The following BRWD1 variants were observed in gnomAD, a reference collection of about 807,000 sequenced individuals.
BRWD1 encodes the protein bromodomain and WD repeat-containing protein 1.
In BRWD1, 82 loss-of-function variants were observed where a neutral mutation model predicts 251.2. The observed-to-expected ratio is 0.33, with a 90% CI of 0.27 to 0.39. The LOEUF (loss-of-function observed/expected upper bound fraction) is 0.39. BRWD1 is among the 10% of genes least tolerant of loss of function. The pLI is 1.00. For missense variants in BRWD1, 2,233 were observed against 2,711.6 expected (o/e 0.82, Z 3.92); for synonymous variants, 918 against 902.8 (o/e 1.02, Z -0.30).
chr21:39,256,343 G>C lies in BRWD1; in HGVS notation c.2072-515C>G, dbSNP rs561631940. On this transcript the variant is annotated intron_variant, in intron 18 of 40. Transcript: ENST00000342449. ...AAGACAGATACCTGAAATCAAAGTG[G>C]TTTTACAAGAGCTCTTGCAACAGTA... Among the ~76,000 whole-genome samples, 6 of 152,326 alleles carry C rather than the reference G, an allele frequency of 3.9e-5. No homozygotes were observed. In the South Asian group the frequency reaches 1.2e-3, roughly 32 times the overall value.
At chr21:39,244,748 G>T (rs568623854) in intron 21 of BRWD1, among the ~76,000 whole-genome samples, 1 of 151,786 alleles carries the variant, frequency 6.6e-6, no homozygotes, top group African/African-American at 2.4e-5. Flanking sequence ...TACTTGAGGC[G>T]GAGAGGTTGG....
chr21:39,194,371 C>T lies in BRWD1; in HGVS notation c.*1888G>A. ...AGTTTAAATAAATTAATGGATTTGACATCTATCACCAGTTTTTAAAATTAG... is the reference window on the plus strand; with the variant it reads ...AGTTTAAATAAATTAATGGATTTGATATCTATCACCAGTTTTTAAAATTAG... On this transcript the variant is annotated 3_prime_UTR_variant, in exon 41 of 41. Transcript: ENST00000342449. 9.2e-7 allele frequency: 1 copy of T among 1,088,072 alleles called. No individual in the cohort carries two copies. The highest frequency in any genetic ancestry group is 1.1e-6 in the Non-Finnish European group (1 of 895,948). The allele number at this position is 1,088,072 out of a possible 1,614,324, so 67.4% of individuals were successfully genotyped here.
intron 4 of BRWD1, among the ~76,000 whole-genome samples, chr21:39,303,429 G>A (rs1206045189): frequency 1.4e-5 from 2 of 142,386 alleles, no homozygotes; most frequent in Non-Finnish European, 3.0e-5. Flanking sequence ...TGAGGCAGGA[G>A]AATCGCTTGA....
At chr21:39,250,694 C>T (rs1403771198) in intron 20 of BRWD1, 102 bp downstream of exon 20, 1 of 720,538 alleles carries the variant, frequency 1.4e-6, no homozygotes, top group East Asian at 2.9e-5. Context: ...GCAAGAAATA[C>T]TCCACTTCAG....
intron 13 of BRWD1, 77 bp downstream of exon 13, chr21:39,274,297 C>A: frequency 9.3e-7 from 1 of 1,077,488 alleles, no homozygotes; most frequent in South Asian, 1.3e-5. Context: ...CTGAGAGACA[C>A]AGAGAGCGAG....
chr21:39,277,702 T>TAC (rs1401516374), intron 10 of BRWD1, among the ~76,000 whole-genome samples: 1 of 152,080 alleles, frequency 6.6e-6, no homozygotes, highest in Non-Finnish European at 1.5e-5. Context: ...TAGCTGGGAT[T>TAC]ACAGGAGCAC....
intron 8 of BRWD1, among the ~76,000 whole-genome samples, chr21:39,292,590 C>T (rs1198087126): frequency 6.6e-6 from 1 of 152,156 alleles, no homozygotes; most frequent in Non-Finnish European, 1.5e-5. Flanking sequence ...AGGTGATTCT[C>T]ATGCACATTA....
chr21:39,271,415 C>T (rs2035097775), intron 13 of BRWD1, among the ~76,000 whole-genome samples: 1 of 151,958 alleles, frequency 6.6e-6, no homozygotes, highest in Admixed American at 6.6e-5. Flanking sequence ...ATCGGCCGGG[C>T]ACGGTGGCTC....
chr21:39,291,371 A>T (rs1362864971), intron 8 of BRWD1, among the ~76,000 whole-genome samples: 1 of 152,204 alleles, frequency 6.6e-6, no homozygotes, highest in Non-Finnish European at 1.5e-5. Flanking sequence ...AACATAAAAT[A>T]AAAGCCTTAC....
At chr21:39,278,039 G>C (rs117858213) in intron 10 of BRWD1, among the ~76,000 whole-genome samples, 1,857 of 152,062 alleles carry the variant, frequency 0.012, 18 homozygotes, top group Non-Finnish European at 0.018. Flanking sequence ...TTTAGAGATG[G>C]GTTCTCCCTA....
rs1286137356 is a variant in BRWD1 at position 39,193,257 on chromosome 21, A to G, written c.*3002T>C. 1.3e-5 allele frequency: 13 copies of G among 985,046 alleles called. No homozygotes were observed. Among genetic ancestry groups the G allele is most frequent in the Non-Finnish European group, 1.6e-5 (13 of 829,610 alleles). The allele number at this position is 985,046 out of a possible 1,614,324, so 61.0% of individuals were successfully genotyped here. On this transcript the variant is annotated 3_prime_UTR_variant, in exon 41 of 41. Transcript: ENST00000342449. Reference sequence around the variant, plus strand: ...AATTTACAAGCTGTGAGTAACTGCTATATCATTGTTTCCAAGGATTAATAA... The same window carrying G: ...AATTTACAAGCTGTGAGTAACTGCTGTATCATTGTTTCCAAGGATTAATAA...
chr21:39,271,557 C>T (rs749576343), intron 13 of BRWD1, among the ~76,000 whole-genome samples: 5 of 151,086 alleles, frequency 3.3e-5, no homozygotes, highest in Non-Finnish European at 4.4e-5. Flanking sequence ...ATTAGCCAGG[C>T]GTGGTGGTGG....
rs541496329 is a variant in BRWD1, at chr21:39,240,208, CA to C, written c.2482-1636del. ...TTCTACAAAGATAAAACTATGAAGACAAAAAATCAGTGATTGTCAGGGGCTG... is the reference window on the plus strand; with the variant it reads ...TTCTACAAAGATAAAACTATGAAGACAAAAATCAGTGATTGTCAGGGGCTG... On this transcript the variant is annotated intron_variant, in intron 21 of 40. Coordinates refer to ENST00000342449, the MANE Select transcript of BRWD1 (RefSeq NM_033656.4). Among the ~76,000 whole-genome samples, 12 of 152,190 alleles carry C rather than the reference CA, an allele frequency of 7.9e-5. No homozygotes were observed. In the East Asian group the frequency reaches 2.3e-3, roughly 29 times the overall value.
chr21:39,218,397 T>C (rs2033041116), intron 30 of BRWD1, 108 bp downstream of exon 30: 2 of 1,433,956 alleles, frequency 1.4e-6, no homozygotes, highest in Non-Finnish European at 1.9e-6. Flanking sequence ...AGATAACCAA[T>C]ACAAAGTGTA....
At chr21:39,253,757 A>G (rs2034473911) in intron 19 of BRWD1, among the ~76,000 whole-genome samples, 1 of 152,184 alleles carries the variant, frequency 6.6e-6, no homozygotes, top group Non-Finnish European at 1.5e-5. Flanking sequence ...AAATTTACAA[A>G]ATTATCTTCA....
rs531398039 is a variant in BRWD1 at position 39,196,005 on chromosome 21, A to G, written c.*254T>C. 2 of 1,174,064 alleles carry G rather than the reference A, an allele frequency of 1.7e-6. No individual in the cohort carries two copies. Among genetic ancestry groups the G allele is most frequent in the South Asian group, 6.1e-5 (2 of 32,698 alleles). 72.7% of individuals were successfully genotyped at this position (1,174,064 alleles called of 1,614,324 possible). A position where few individuals can be genotyped will look rare whatever the true frequency, so the allele number is the denominator to read the frequency against. ...GTTTAACATATTTCAAACTCTTGCT[A>G]TATGTAGTCAAATACTGTCAAAATA... On this transcript the variant is annotated 3_prime_UTR_variant, in exon 41 of 41. Transcript: ENST00000342449.
intron 4 of BRWD1, among the ~76,000 whole-genome samples, chr21:39,299,422 C>T (rs1411172291): frequency 6.6e-6 from 1 of 152,094 alleles, no homozygotes; most frequent in African/African-American, 2.4e-5. Context: ...TCAGTAAGTA[C>T]TGACAGCCTA....
chr21:39,301,980 T>TG (rs200204951), intron 4 of BRWD1, among the ~76,000 whole-genome samples: 297 of 114,322 alleles, frequency 2.6e-3, no homozygotes, highest in East Asian at 5.5e-3. Context: ...CTTTGTGTGT[T>TG]TTTTTTTTTT....
In BRWD1 at chr21:39,199,033, G is replaced by A. The variant is rs186057504; in HGVS notation, c.5383C>T (p.Pro1795Ser). 158 of 1,614,018 alleles carry A rather than the reference G, an allele frequency of 9.8e-5. 1 individual carries two copies. The East Asian group carries it at 3.5e-3, about 36-fold the overall frequency. Reference sequence around the variant, plus strand: ...TATTTCCTACCACCAGATCTTCCTGGTTCAGAATCTGCTTCCTCTGAGATG... The same window carrying A: ...TATTTCCTACCACCAGATCTTCCTGATTCAGAATCTGCTTCCTCTGAGATG... ...ESISEEADSE[P>S]GRSGGRKYNT... is the part of the protein sequence containing the mutation. The change falls in exon 40 of 41, where the codon CCA becomes TCA. Residue 1795 changes from proline (P) to serine (S), a missense_variant. Pro to Ser is a moderately conservative substitution (Grantham distance 74). Coordinates refer to ENST00000342449, the MANE Select transcript of BRWD1 (RefSeq NM_033656.4).
Sources: gnomAD v4.1 joint callset for allele counts (sites outside exome capture counted in the v4.1 genomes callset) on GRCh38, gnomAD v4.1.1 for gene constraint, MANE v1.5 for transcripts, NCBI Gene and HGNC (gene_info 2026-07-23, HGNC 2026-07-21) for gene names.